The following MBOAT1 variants were observed in gnomAD, a reference collection of about 807,000 sequenced individuals.
MBOAT1 encodes the protein membrane-bound glycerophospholipid O-acyltransferase 1.
MBOAT1 carries 67 observed loss-of-function variants against 64.4 expected under a neutral mutation model. The ratio of observed to expected loss-of-function variants is 1.04; its 90% confidence interval spans 0.85 to 1.27. MBOAT1 has a LOEUF of 1.27. Ranked by LOEUF, MBOAT1 falls within the 50% of genes most tolerant of loss-of-function variation. The pLI is 0.00. For synonymous variants in MBOAT1, 229 were observed against 218.9 expected (o/e 1.05, Z -0.41); for missense variants, 563 against 604.6 (o/e 0.93, Z 0.72).
intron 1 of MBOAT1, among the ~76,000 whole-genome samples, chr6:20,159,511 A>C (rs932016401): frequency 1.3e-5 from 2 of 152,234 alleles, no homozygotes; most frequent in African/African-American, 4.8e-5. Flanking sequence ...ATTGTGTTAA[A>C]TGACATAAGC....
chr6:20,102,114 C>T lies in MBOAT1; in HGVS notation c.*172G>A. ...TGGGCGACAGAGCGAGACTCCGTCT[C>T]AAAAAAAAAAAAAAAAAAAAAAAAA... On this transcript the variant is annotated 3_prime_UTR_variant, in exon 13 of 13. Transcript: ENST00000324607. 1.0e-5 allele frequency: 1 copy of T among 95,838 alleles called. No individual in the cohort carries two copies. Among genetic ancestry groups the T allele is most frequent in the Non-Finnish European group, 1.6e-5 (1 of 60,622 alleles). 5.9% of individuals were successfully genotyped at this position (95,838 alleles called of 1,614,324 possible). A position where few individuals can be genotyped will look rare whatever the true frequency, so the allele number is the denominator to read the frequency against.
At chr6:20,136,619 CA>C (rs1347208239) in intron 4 of MBOAT1, among the ~76,000 whole-genome samples, 1 of 152,162 alleles carries the variant, frequency 6.6e-6, no homozygotes, top group Non-Finnish European at 1.5e-5. Flanking sequence ...AACAATAGGA[CA>C]AATGATCTCT....
intron 4 of MBOAT1, among the ~76,000 whole-genome samples, chr6:20,143,171 G>A (rs1053645684): frequency 3.9e-5 from 6 of 152,180 alleles, no homozygotes; most frequent in African/African-American, 1.2e-4. Flanking sequence ...GGGAAGTAAC[G>A]TGGATAACAG....
intron 1 of MBOAT1, among the ~76,000 whole-genome samples, chr6:20,202,606 C>CTT (rs60318364): frequency 1.4e-5 from 2 of 140,956 alleles, no homozygotes; most frequent in African/African-American, 5.2e-5. Context: ...TTATCAAGGG[C>CTT]TTTTTTTTTT....
At chr6:20,112,742 A>G (rs1760203737) in intron 11 of MBOAT1, 134 bp downstream of exon 11, 1 of 925,450 alleles carries the variant, frequency 1.1e-6, no homozygotes, top group Non-Finnish European at 1.6e-6. Context: ...AGACTCTTGC[A>G]TATTGTTTGA....
chr6:20,165,718 G>C lies in MBOAT1; in HGVS notation c.100-12949C>G, dbSNP rs143219624. ...CGATCGTGCCAGTGCACTCCAGCCTGAGCAACAGAGCAAGACTCTGTTTCA... is the reference window on the plus strand; with the variant it reads ...CGATCGTGCCAGTGCACTCCAGCCTCAGCAACAGAGCAAGACTCTGTTTCA... On this transcript the variant is annotated intron_variant, in intron 1 of 12. Transcript: ENST00000324607. 6.6e-3 allele frequency among the ~76,000 whole-genome samples: 983 copies of C among 148,272 alleles called. 12 individuals carry two copies. Among genetic ancestry groups the C allele is most frequent in the African/African-American group, 0.023 (902 of 40,056 alleles).
intron 5 of MBOAT1, among the ~76,000 whole-genome samples, chr6:20,130,348 T>TTTGTTGTTG (rs566699579): frequency 3.3e-5 from 5 of 151,808 alleles, no homozygotes; most frequent in Admixed American, 6.6e-5. Flanking sequence ...TTTTCCCAGC[T>TTTGTTGTTG]TTGTTGTTGT....
At chr6:20,120,128 C>T (rs1002218710) in intron 8 of MBOAT1, among the ~76,000 whole-genome samples, 2 of 151,744 alleles carry the variant, frequency 1.3e-5, no homozygotes, top group East Asian at 1.9e-4. Context: ...GGATGGGCTC[C>T]GGGGGGAAAC....
intron 11 of MBOAT1, among the ~76,000 whole-genome samples, 157 bp from the exon 12 acceptor site, chr6:20,109,906 T>TC (rs1760078971): frequency 7.3e-6 from 1 of 137,468 alleles, no homozygotes; most frequent in Non-Finnish European, 1.6e-5. Flanking sequence ...TCAGGACTTT[T>TC]TTTTTTTTTT....
intron 1 of MBOAT1, among the ~76,000 whole-genome samples, chr6:20,168,635 A>AGAGGAGAGGAGAGGAGAGGAGAG (rs1762095820): frequency 1.5e-4 from 8 of 52,360 alleles, no homozygotes; most frequent in African/African-American, 4.2e-4. Context: ...AGAGAAGAGA[A>AGAGGAGAGGAGAGGAGAGGAGAG]GAGAAGAGAG....
intron 6 of MBOAT1, 85 bp downstream of exon 6, chr6:20,128,614 T>G (rs1379656274): frequency 4.3e-6 from 4 of 920,380 alleles, no homozygotes; most frequent in Non-Finnish European, 6.7e-6. Context: ...AGAACAGAAT[T>G]AATGTGTAGA....
In MBOAT1 at chr6:20,212,439, T is replaced by C. The variant is rs989904564; in HGVS notation, c.-205A>G. 13 of 572,964 alleles carry C rather than the reference T, an allele frequency of 2.3e-5. No homozygotes were observed. Among genetic ancestry groups the C allele is most frequent in the African/African-American group, 2.2e-4 (11 of 50,998 alleles). The allele number at this position is 572,964 out of a possible 1,614,324, so 35.5% of individuals were successfully genotyped here. A position where few individuals can be genotyped will look rare whatever the true frequency, so the allele number is the denominator to read the frequency against. Reference sequence around the variant, plus strand: ...CGAGGCGCAAACTTGGCTTTGGCGCTGGCGCTGCAGCCACGGGCGCCGTAG... The same window carrying C: ...CGAGGCGCAAACTTGGCTTTGGCGCCGGCGCTGCAGCCACGGGCGCCGTAG... On this transcript the variant is annotated 5_prime_UTR_variant, in exon 1 of 13. Transcript: ENST00000324607.
At chr6:20,129,211 G>C (rs1760745809) in intron 5 of MBOAT1, among the ~76,000 whole-genome samples, 1 of 152,074 alleles carries the variant, frequency 6.6e-6, no homozygotes, top group African/African-American at 2.4e-5. Flanking sequence ...AATGGAAAAA[G>C]AAACAGGAGA....
Position 20,151,223 on chromosome 6 carries a change from A to C in MBOAT1, c.285T>G (p.Tyr95Ter). The C allele has an allele frequency of 1.2e-6, 2 of 1,613,632 alleles. No homozygotes were observed. Among genetic ancestry groups the C allele is most frequent in the Non-Finnish European group, 1.7e-6 (2 of 1,179,702 alleles). The change falls in exon 3 of 13, where the codon TAT becomes TAG. Residue 95 changes from tyrosine to a stop codon, truncating the protein, a stop_gained. Transcript: ENST00000324607. LOFTEE classifies it high-confidence loss of function. ...ATACACTAGCAGTGACCATGATTGC[A>C]TAGCACATTAACACCAGCACAAAAA... ...VHLFVLVLMCYAIMVTASVSN... is the reference protein window; with the variant it reads ...VHLFVLVLMC
chr6:20,165,636 A>C (rs751619702), intron 1 of MBOAT1, among the ~76,000 whole-genome samples: 6 of 152,008 alleles, frequency 3.9e-5, no homozygotes, highest in African/African-American at 1.2e-4. Context: ...CCAGCTACTC[A>C]GGAGGCTAAA....
At chr6:20,126,422 T>C in intron 7 of MBOAT1, 95 bp downstream of exon 7, 1 of 1,065,040 alleles carries the variant, frequency 9.4e-7, no homozygotes, top group Non-Finnish European at 1.4e-6. Context: ...TTGGCCAAGC[T>C]TTCTGGTAAA....
At chr6:20,209,018 G>A (rs1007251942) in intron 1 of MBOAT1, among the ~76,000 whole-genome samples, 7 of 152,196 alleles carry the variant, frequency 4.6e-5, no homozygotes, top group Non-Finnish European at 7.3e-5. Context: ...CCAAAACAAA[G>A]TGAGGAGGAC....
intron 8 of MBOAT1, among the ~76,000 whole-genome samples, chr6:20,123,073 G>A (rs779396987): frequency 1.4e-4 from 22 of 151,896 alleles, no homozygotes; most frequent in African/African-American, 2.2e-4. Flanking sequence ...GAAGTGATTC[G>A]CCAGCCTTAG....
At chr6:20,143,149 A>C (rs1220925115) in intron 4 of MBOAT1, among the ~76,000 whole-genome samples, 2 of 152,198 alleles carry the variant, frequency 1.3e-5, no homozygotes, top group Non-Finnish European at 2.9e-5. Flanking sequence ...CAGAGAACAC[A>C]ACTAAACTCC....
Sources: gnomAD v4.1 joint callset for allele counts (sites outside exome capture counted in the v4.1 genomes callset) on GRCh38, gnomAD v4.1.1 for gene constraint, MANE v1.5 for transcripts, NCBI Gene and HGNC (gene_info 2026-07-23, HGNC 2026-07-21) for gene names.